The following MAP3K3 variants were observed in gnomAD, a reference collection of about 807,000 sequenced individuals.
MAP3K3 encodes MAP/ERK kinase kinase 3.
MAP3K3 carries 12 observed loss-of-function variants against 80.9 expected under a neutral mutation model. That is an observed-to-expected ratio of 0.15 (90% CI 0.10 to 0.24). The LOEUF (loss-of-function observed/expected upper bound fraction) is 0.24. Ranked by LOEUF, MAP3K3 falls within the 10% of genes least tolerant of loss-of-function variation. MAP3K3 has a pLI of 1.00. For synonymous variants in MAP3K3, 272 were observed against 307.1 expected, an observed-to-expected ratio of 0.89 and a Z score of 1.19; for missense variants, 596 against 834.7, an observed-to-expected ratio of 0.71 and a Z score of 3.52.
chr17:63,640,732 G>C (rs1420529337), intron 2 of MAP3K3, among the ~76,000 whole-genome samples: 1 of 152,148 alleles, frequency 6.6e-6, no homozygotes, highest in East Asian at 1.9e-4. Flanking sequence ...GTACAAGGAG[G>C]GGGAGAACAG....
In MAP3K3 at chr17:63,646,070, A is replaced by G. The variant is rs184639184; in HGVS notation, c.163A>G (p.Arg55Gly). 22 of 1,613,888 alleles carry G rather than the reference A, an allele frequency of 1.4e-5. No individual in the cohort carries two copies. The highest frequency in any genetic ancestry group is 1.2e-4 in the Admixed American group (7 of 59,992). ...VRIKFEHNGE[R>G]RIIAFSRPVK... ...AATCAAGTTCGAGCACAACGGGGAG[A>G]GGCGGTAAGTCTGCCTTCTGATGAG... Residue 55 changes from arginine (R) to glycine (G), a missense_variant, in exon 3 of 16, where the codon AGG (arginine) becomes GGG (glycine). Physicochemically the swap from Arg to Gly is moderately radical, Grantham distance 125 (BLOSUM62 -2). This residue lies in a region of MAP3K3 where 232 missense variants were observed against 245.8 expected (regional missense o/e 0.94). Transcript: ENST00000361733.
chr17:63,667,005 GGATATA>G lies in MAP3K3; in HGVS notation c.448_453del (p.Asp150_Ile151del). 6.2e-7 allele frequency: 1 copy of G among 1,612,768 alleles called. No individual in the cohort carries two copies. The highest frequency in any genetic ancestry group is 8.5e-7 in the Non-Finnish European group (1 of 1,179,720). On this transcript the variant is annotated inframe_deletion, in exon 6 of 16. Coordinates refer to ENST00000361733, the MANE Select transcript of MAP3K3 (RefSeq NM_002401.5). ...GGATCAAGGCTTCCCAGTCCGCAGG[GGATATA>G]AATACTATCTACCAGCCCCCCGAGC...
chr17:63,675,789 T>TC (rs1170615905), intron 6 of MAP3K3, among the ~76,000 whole-genome samples: 1 of 152,172 alleles, frequency 6.6e-6, no homozygotes, highest in Non-Finnish European at 1.5e-5. Context: ...GGGAAAGGTG[T>TC]CCCAAGAAAG....
chr17:63,688,266 G>A (rs1019960027), intron 8 of MAP3K3: 6 of 542,566 alleles, frequency 1.1e-5, no homozygotes, highest in East Asian at 3.3e-5. Context: ...AGGCCAAGGA[G>A]GGAGAGGGCT....
chr17:63,690,289 C>T lies in MAP3K3; in HGVS notation c.1089C>T (p.Arg363=). ...CTCCCAGTGCCCCCATCAACTGGCG[C>T]CGGGGAAAGCTCCTGGGCCAGGGTG... ...TKSPSAPINW[R]RGKLLGQGAF... Residue 363 remains arginine (R), a synonymous_variant, in exon 12 of 16, where the codon CGC becomes CGT. Coordinates refer to ENST00000361733, the MANE Select transcript of MAP3K3 (RefSeq NM_002401.5). 6.2e-7 allele frequency: 1 copy of T among 1,614,156 alleles called. No homozygotes were observed. The highest frequency in any genetic ancestry group is 8.5e-7 in the Non-Finnish European group (1 of 1,179,994).
At chr17:63,665,879 C>T (rs531536209) in intron 5 of MAP3K3, among the ~76,000 whole-genome samples, 64 of 152,232 alleles carry the variant, frequency 4.2e-4, no homozygotes, top group African/African-American at 1.5e-3. Flanking sequence ...AAACCTTTTT[C>T]CTGGAGGACA....
chr17:63,675,761 G>A (rs892745159), intron 6 of MAP3K3, among the ~76,000 whole-genome samples: 1 of 152,242 alleles, frequency 6.6e-6, no homozygotes, highest in African/African-American at 2.4e-5. Context: ...GCTAGAGCAA[G>A]TTCAGGCTGG....
At chr17:63,664,377 G>GCAA (rs2034960035) in intron 5 of MAP3K3, among the ~76,000 whole-genome samples, 1 of 151,524 alleles carries the variant, frequency 6.6e-6, no homozygotes, top group Non-Finnish European at 1.5e-5. Context: ...AATATCTCTT[G>GCAA]GTACCACCAT....
intron 1 of MAP3K3, among the ~76,000 whole-genome samples, chr17:63,629,345 G>A (rs905716270): frequency 1.3e-5 from 2 of 152,092 alleles, no homozygotes; most frequent in Non-Finnish European, 2.9e-5. Flanking sequence ...GGCTGGTTTC[G>A]AACTCCTGAC....
rs9891515 is a variant in MAP3K3, at chr17:63,692,414, C to T, written c.1647C>T (p.Asp549=). 3.1e-4 allele frequency: 502 copies of T among 1,604,882 alleles called. 1 individual carries two copies. In the African/African-American group the frequency reaches 5.9e-3, roughly 19 times the overall value. ...GCGAGGGCTATGGAAGGAAAGCAGA[C>T]GTGTGGTGAGCACTGGGACATGCAG... is the stretch of plus-strand genomic sequence containing the variant. ...ISGEGYGRKA[D]VWSLGCTVVE... The change falls in exon 15 of 16, where the codon GAC becomes GAT. Residue 549 remains aspartate (D), a synonymous_variant. Transcript: ENST00000361733. The surrounding 1 kb of genome is among the most constrained non-coding windows in gnomAD (Gnocchi z 4.5).
chr17:63,664,720 T>A (rs2034965919), intron 5 of MAP3K3, among the ~76,000 whole-genome samples: 1 of 152,108 alleles, frequency 6.6e-6, no homozygotes, highest in Non-Finnish European at 1.5e-5. Context: ...TTCTATTTGT[T>A]GTCTTTAGAA....
At position 63,653,589 on chromosome 17, in the gene MAP3K3, C is replaced by G. The variant is rs2034702676; in HGVS notation, c.267+933C>G. 3.9e-5 allele frequency among the ~76,000 whole-genome samples: 6 copies of G among 152,204 alleles called. No individual in the cohort carries two copies. In the South Asian group the frequency reaches 1.2e-3, roughly 32 times the overall value. On this transcript the variant is annotated intron_variant, in intron 4 of 15. Transcript: ENST00000361733. ...TGTTATTATTTTAGTTCATACATGT[C>G]TTAACATACTCTACTAATGTTAATG...
At chr17:63,627,036 T>A (rs1003319303) in intron 1 of MAP3K3, among the ~76,000 whole-genome samples, 2 of 152,178 alleles carry the variant, frequency 1.3e-5, no homozygotes, top group African/African-American at 4.8e-5. Flanking sequence ...GGGAAGTGCC[T>A]TAAGACCCTG....
chr17:63,643,758 T>C (rs2034490837), intron 2 of MAP3K3, among the ~76,000 whole-genome samples: 1 of 152,172 alleles, frequency 6.6e-6, no homozygotes, highest in African/African-American at 2.4e-5. Flanking sequence ...ATACTCCAGA[T>C]CCAGTTGAGG....
chr17:63,663,833 G>C (rs973610173), intron 5 of MAP3K3, among the ~76,000 whole-genome samples: 2 of 152,060 alleles, frequency 1.3e-5, no homozygotes, highest in East Asian at 3.9e-4. Context: ...TCCAGGCTGC[G>C]ATGAGCTATG....
In MAP3K3 at chr17:63,696,095, G is replaced by A. The variant is rs1480358863; in HGVS notation, c.*2318G>A. ...GGCCAACTCTGCATGGAGAGGCCAG[G>A]GCTGGGGACAGTCCGCACTCTGCCA... On this transcript the variant is annotated 3_prime_UTR_variant, in exon 16 of 16. Coordinates refer to ENST00000361733, the MANE Select transcript of MAP3K3 (RefSeq NM_002401.5). The A allele has an allele frequency of 2.0e-5, 3 of 152,490 alleles. No individual in the cohort carries two copies. The East Asian group carries it at 5.8e-4, about 30-fold the overall frequency. The allele number at this position is 152,490 out of a possible 1,614,324, so 9.4% of individuals were successfully genotyped here. A position where few individuals can be genotyped will look rare whatever the true frequency, so the allele number is the denominator to read the frequency against.
intron 1 of MAP3K3, among the ~76,000 whole-genome samples, chr17:63,625,689 A>T (rs2034086190): frequency 6.6e-6 from 1 of 152,174 alleles, no homozygotes; most frequent in Non-Finnish European, 1.5e-5. Flanking sequence ...AGCTGTTTTG[A>T]TTGAAATTTG....
In MAP3K3 at chr17:63,689,508, G is replaced by A; in HGVS notation, c.872-36G>A. 1 of 1,581,846 alleles carries A rather than the reference G, an allele frequency of 6.3e-7. No individual in the cohort carries two copies. The highest frequency in any genetic ancestry group is 8.6e-7 in the Non-Finnish European group (1 of 1,159,216). ...TACGTTCCGCCTCGTAGCCTGGGGTGTGACTTGCTCTCCTCTGGCCCTTGC... is the reference window on the plus strand; with the variant it reads ...TACGTTCCGCCTCGTAGCCTGGGGTATGACTTGCTCTCCTCTGGCCCTTGC... On this transcript the variant is annotated intron_variant, in intron 10 of 15. Coordinates refer to ENST00000361733, the MANE Select transcript of MAP3K3 (RefSeq NM_002401.5). This position sits in a 1 kb window ranked among gnomAD's most constrained non-coding sequence, Gnocchi z 4.3.
chr17:63,622,735 A>G lies in MAP3K3; in HGVS notation c.-25A>G. 1.9e-6 allele frequency: 1 copy of G among 515,386 alleles called. No homozygotes were observed. Among genetic ancestry groups the G allele is most frequent in the Non-Finnish European group, 3.7e-6 (1 of 267,814 alleles). The allele number at this position is 515,386 out of a possible 1,614,324, so 31.9% of individuals were successfully genotyped here. ...TGCGGAGGTGACACTCACGGACCTT[A>G]GCCACCGCCGCCGCCATCGCCACCA... On this transcript the variant is annotated 5_prime_UTR_variant, in exon 1 of 16. Transcript: ENST00000361733.
Sources: gnomAD v4.1 joint callset for allele counts (sites outside exome capture counted in the v4.1 genomes callset) on GRCh38, gnomAD v4.1.1 for gene constraint, gnomAD v4.1.1 regional missense constraint, Gnocchi (gnomAD v3.1) non-coding constraint, MANE v1.5 for transcripts, NCBI Gene and HGNC (gene_info 2026-07-23, HGNC 2026-07-21) for gene names.